KDM4C: variants seen among roughly 807,000 people sequenced by gnomAD.
The protein encoded by KDM4C is lysine-specific demethylase 4C.
A neutral mutation model predicts 129.3 loss-of-function variants in KDM4C; 81 were observed. That is an observed-to-expected ratio of 0.63 (90% CI 0.52 to 0.75). The LOEUF (loss-of-function observed/expected upper bound fraction) is 0.75, where lower values mean the gene tolerates loss of function less well. Among genes scored for constraint, KDM4C ranks in the 30% least tolerant of loss-of-function variants. KDM4C has a pLI of 0.00. For missense variants in KDM4C, 1,457 were observed against 1,304.0 expected (o/e 1.12, Z -1.81); for synonymous variants, 573 against 456.1 (o/e 1.26, Z -3.26).
chr9:7,160,114 G>C (rs568593955), intron 19 of KDM4C, among the ~76,000 whole-genome samples: 1 of 152,100 alleles, frequency 6.6e-6, no homozygotes, highest in African/African-American at 2.4e-5. Flanking sequence ...TCTTCCACTT[G>C]ATCGAGTTGG....
chr9:6,969,975 C>T (rs1346192139), intron 8 of KDM4C, among the ~76,000 whole-genome samples: 1 of 152,198 alleles, frequency 6.6e-6, no homozygotes, highest in Non-Finnish European at 1.5e-5. Flanking sequence ...CCGACACATT[C>T]CCACTGTACC....
intron 17 of KDM4C, among the ~76,000 whole-genome samples, chr9:7,075,169 A>G (rs999599660): frequency 6.6e-6 from 1 of 152,184 alleles, no homozygotes; most frequent in Non-Finnish European, 1.5e-5. Flanking sequence ...TGTTTTGTTC[A>G]GCATCCCCCA....
At chr9:6,768,864 C>T (rs1821174724) in intron 1 of KDM4C, among the ~76,000 whole-genome samples, 3 of 152,044 alleles carry the variant, frequency 2.0e-5, no homozygotes, top group Admixed American at 2.0e-4. Flanking sequence ...CCTCCACCTC[C>T]CGGGTTCAAG....
chr9:6,991,258 A>T (rs192973630), intron 12 of KDM4C, among the ~76,000 whole-genome samples: 1,869 of 150,586 alleles, frequency 0.012, 43 homozygotes, highest in African/African-American at 0.044. Flanking sequence ...TAAAAAAAAA[A>T]TTTTTTTTTG....
chr9:6,737,062 A>T (rs924255616), intron 1 of KDM4C, among the ~76,000 whole-genome samples: 25 of 151,580 alleles, frequency 1.6e-4, no homozygotes, highest in Non-Finnish European at 1.5e-5. Flanking sequence ...AAAAAAAAAA[A>T]AAAAAAAAAA....
Position 6,738,636 on chromosome 9 carries a change from G to A in KDM4C, c.49+17639G>A, listed in dbSNP as rs139089080. On this transcript the variant is annotated intron_variant, in intron 1 of 17. Coordinates refer to the KDM4C transcript ENST00000536108. ...TTTACTTATTTCAAGACAGAGTCTC[G>A]CTCTGTCACCAAGGCTGGAGTGCAG... 6.7e-3 allele frequency among the ~76,000 whole-genome samples: 1,015 copies of A among 152,126 alleles called. 12 individuals are homozygous for A. The highest frequency in any genetic ancestry group is 0.022 in the African/African-American group (925 of 41,522).
chr9:6,889,352 A>G (rs1467205078), intron 7 of KDM4C, among the ~76,000 whole-genome samples: 1 of 151,966 alleles, frequency 6.6e-6, no homozygotes, highest in Non-Finnish European at 1.5e-5. Context: ...CTGTCTATGC[A>G]GCAGTCACGC....
intron 17 of KDM4C, among the ~76,000 whole-genome samples, chr9:7,100,936 T>G (rs1837010990): frequency 6.6e-6 from 1 of 152,180 alleles, no homozygotes; most frequent in African/African-American, 2.4e-5. Context: ...CTCTGTTCGT[T>G]TAGTTCCACC....
chr9:7,091,549 C>T (rs1366692437), intron 17 of KDM4C, among the ~76,000 whole-genome samples: 8 of 152,128 alleles, frequency 5.3e-5, no homozygotes, highest in Admixed American at 1.3e-4. Context: ...GAGAGTTAGA[C>T]AGATGTGTGA....
At chr9:6,873,596 C>G (rs1025961836) in intron 5 of KDM4C, among the ~76,000 whole-genome samples, 1 of 152,214 alleles carries the variant, frequency 6.6e-6, no homozygotes, top group East Asian at 1.9e-4. Context: ...CTCTCTCAGT[C>G]TTCATAGAAT....
intron 17 of KDM4C, among the ~76,000 whole-genome samples, chr9:7,084,445 A>G (rs1804238266): frequency 6.6e-6 from 1 of 152,238 alleles, no homozygotes; most frequent in Admixed American, 6.5e-5. Context: ...GTGCTTTTAG[A>G]AAATGCCCAC....
intron 12 of KDM4C, among the ~76,000 whole-genome samples, chr9:7,004,701 G>T (rs1254973928): frequency 1.3e-5 from 2 of 152,234 alleles, no homozygotes; most frequent in Non-Finnish European, 2.9e-5. Context: ...GGAGAATAAA[G>T]GCTTTTATTT....
intron 8 of KDM4C, among the ~76,000 whole-genome samples, chr9:6,947,291 T>A (rs1758476027): frequency 6.6e-6 from 1 of 152,198 alleles, no homozygotes; most frequent in African/African-American, 2.4e-5. Flanking sequence ...TGGAAATTTT[T>A]CAATACATTT....
At chr9:6,944,899 G>A (rs1377958992) in intron 8 of KDM4C, among the ~76,000 whole-genome samples, 2 of 152,070 alleles carry the variant, frequency 1.3e-5, no homozygotes, top group African/African-American at 2.4e-5. Context: ...AGTGTAATTA[G>A]CAAAAACATG....
At chr9:6,779,645 G>C (rs1588209079) in intron 1 of KDM4C, among the ~76,000 whole-genome samples, 1 of 152,204 alleles carries the variant, frequency 6.6e-6, no homozygotes, top group African/African-American at 2.4e-5. Context: ...TGGGGATTGA[G>C]CTGAGAGTCT....
upstream of KDM4C, among the ~76,000 whole-genome samples, chr9:6,753,347 A>C (rs941306698): frequency 2.6e-5 from 4 of 152,200 alleles, no homozygotes; most frequent in Non-Finnish European, 5.9e-5. Flanking sequence ...ATGATTATTA[A>C]ATCTATAAAC....
At chr9:7,142,458 C>T (rs1337905090) in intron 19 of KDM4C, among the ~76,000 whole-genome samples, 1 of 152,158 alleles carries the variant, frequency 6.6e-6, no homozygotes, top group Admixed American at 6.5e-5. Flanking sequence ...CTCCCCTGGG[C>T]TCCCTCATCA....
intron 1 of KDM4C, among the ~76,000 whole-genome samples, chr9:6,767,431 A>G (rs913294908): frequency 8.8e-5 from 13 of 148,560 alleles, no homozygotes; most frequent in Non-Finnish European, 1.2e-4. Flanking sequence ...GTGAGCCACC[A>G]TGCACGGCCC....
rs1268182888 is a variant in KDM4C at position 6,758,898 on chromosome 9, G to GGC, written c.-18+696_-18+697dup. Among the ~76,000 whole-genome samples, 1 of 152,242 alleles carries GGC rather than the reference G, an allele frequency of 6.6e-6. No homozygotes were observed. The highest frequency in any genetic ancestry group is 1.5e-5 in the Non-Finnish European group (1 of 68,040). Reference sequence around the variant, plus strand: ...TGGAGGAGGGAGCCAGACAGGCCGGGGCTGTAGGCAGGAGCTTGGGGTTTT... The same window carrying GGC: ...TGGAGGAGGGAGCCAGACAGGCCGGGGCGCTGTAGGCAGGAGCTTGGGGTTTT... On this transcript the variant is annotated intron_variant, in intron 1 of 21. Transcript: ENST00000381309. The surrounding 1 kb of genome is among the most constrained non-coding windows in gnomAD (Gnocchi z 4.6).
Sources: allele counts gnomAD v4.1 joint callset (sites outside exome capture counted in the v4.1 genomes callset), GRCh38; gene constraint gnomAD v4.1.1; non-coding constraint Gnocchi (gnomAD v3.1); transcripts MANE v1.5; gene names NCBI Gene and HGNC (gene_info 2026-07-23, HGNC 2026-07-21).